FAM124B: variants seen among roughly 807,000 people sequenced by gnomAD.
FAM124B encodes the protein protein FAM124B.
Under a neutral mutation model 19.7 loss-of-function variants are expected in FAM124B, and 18 were observed. That is an observed-to-expected ratio of 0.92 (90% CI 0.63 to 1.36). The LOEUF is 1.36. FAM124B is among the 40% of genes most tolerant of loss of function. FAM124B has a pLI of 0.00. For missense variants in FAM124B, 540 were observed against 553.3 expected (o/e 0.98, Z 0.24); for synonymous variants, 223 against 225.2 (o/e 0.99, Z 0.09).
In FAM124B at chr2:224,393,083, T is replaced by C. The variant is rs564023453; in HGVS notation, c.732+7954A>G. On this transcript the variant is annotated intron_variant, in intron 1 of 1. Transcript: ENST00000409685. ...AGGACAGTGCATTCGTCTAGAGAAA[T>C]GGGTCTCAGTTGAGAAATGGGTCTA... Among the ~76,000 whole-genome samples the C allele has an allele frequency of 7.2e-5, 11 of 152,320 alleles. No individual in the cohort carries two copies. In the East Asian group the frequency reaches 2.1e-3, roughly 29 times the overall value.
At chr2:224,395,879 G>T (rs741534) in intron 1 of FAM124B, among the ~76,000 whole-genome samples, 31,322 of 152,022 alleles carry the variant, frequency 0.21, 3,353 homozygotes, top group South Asian at 0.25. Context: ...CAATTGCACC[G>T]CAGTTACATG....
Position 224,379,918 on chromosome 2 carries a change from G to A in FAM124B, c.1023C>T (p.Ser341=), listed in dbSNP as rs116749395. Residue 341 remains serine (S), a synonymous_variant, in exon 2 of 2, where the codon TCC becomes TCT. Coordinates refer to ENST00000409685, the MANE Select transcript of FAM124B (RefSeq NM_001122779.2). ...HLHLSSHHLE[S]GARMKVLNRE... is the part of the protein sequence containing the mutation. ...GGTTGAGGACCTTCATTCTGGCCCC[G>A]GATTCAAGGTGATGAGAAGACAGGT... is the stretch of plus-strand genomic sequence containing the variant. 2,922 of 1,551,866 alleles carry A rather than the reference G, an allele frequency of 1.9e-3. 29 individuals carry two copies. The African/African-American group carries it at 0.033, about 17-fold the overall frequency.
chr2:224,380,297 T>C (rs2106074883), intron 1 of FAM124B, 89 bp from the exon 2 acceptor site: 1 of 1,186,110 alleles, frequency 8.4e-7, no homozygotes, highest in Non-Finnish European at 1.2e-6. Context: ...CCCTCTGCCA[T>C]GCCATGCCCA....
chr2:224,380,302 T>C lies in FAM124B; in HGVS notation c.733-94A>G, dbSNP rs138759436. On this transcript the variant is annotated intron_variant, in intron 1 of 1. Transcript: ENST00000409685. ...GCCTTATTCACCCTCTGCCATGCCA[T>C]GCCCATAGCAGACTTTCAGTAAATT... The C allele has an allele frequency of 2.2e-3, 2,505 of 1,115,154 alleles. 43 individuals are homozygous for C. In the African/African-American group the frequency reaches 0.034, roughly 15 times the overall value. 69.1% of individuals were successfully genotyped at this position (1,115,154 alleles called of 1,614,324 possible).
intron 1 of FAM124B, among the ~76,000 whole-genome samples, chr2:224,394,113 T>C (rs2106085802): frequency 6.6e-6 from 1 of 152,268 alleles, no homozygotes; most frequent in African/African-American, 2.4e-5. Context: ...CCTCCTGGCT[T>C]TGTGGTTGCT....
chr2:224,389,452 C>CA (rs1327144840), intron 1 of FAM124B, among the ~76,000 whole-genome samples: 7 of 152,134 alleles, frequency 4.6e-5, no homozygotes, highest in African/African-American at 7.2e-5. Flanking sequence ...GCGTTTGAAG[C>CA]AATGTGGGCT....
chr2:224,393,886 C>T (rs916890622), intron 1 of FAM124B, among the ~76,000 whole-genome samples: 2 of 152,092 alleles, frequency 1.3e-5, no homozygotes, highest in Non-Finnish European at 2.9e-5. Flanking sequence ...TCCATAAGCC[C>T]GGAGTGGTGG....
intron 1 of FAM124B, 47 bp from the exon 2 acceptor site, chr2:224,380,255 C>G (rs1689694757): frequency 2.7e-6 from 4 of 1,474,078 alleles, no homozygotes; most frequent in Middle Eastern, 1.8e-4. Flanking sequence ...TTTCCATTAA[C>G]TAAGTGCCAA....
chr2:224,401,501 G>A lies in FAM124B; in HGVS notation c.268C>T (p.Gln90Ter). The A allele has an allele frequency of 1.2e-6, 2 of 1,614,124 alleles. No homozygotes were observed. The highest frequency in any genetic ancestry group is 1.7e-6 in the Non-Finnish European group (2 of 1,180,028). Residue 90 changes from glutamine (Q) to a stop codon, truncating the protein, a stop_gained, in exon 1 of 2, where the codon CAG becomes TAG. Transcript: ENST00000409685. LOFTEE classifies it high-confidence loss of function. ...GGGTAGCACTGCCATGGCGAATGCT[G>A]GAGAGAGTCCAGGACGCGAAATAGC... ...DRLFRVLDSL[Q>*]HSPWQCYPTQ...
chr2:224,387,410 G>A (rs2106080547), intron 1 of FAM124B, among the ~76,000 whole-genome samples: 1 of 152,298 alleles, frequency 6.6e-6, no homozygotes, highest in South Asian at 2.1e-4. Flanking sequence ...CTCTCTGTAA[G>A]TGATTCCAAG....
At chr2:224,396,205 C>T (rs1689967200) in intron 1 of FAM124B, among the ~76,000 whole-genome samples, 1 of 152,160 alleles carries the variant, frequency 6.6e-6, no homozygotes, top group Admixed American at 6.5e-5. Flanking sequence ...CCATCCTCTT[C>T]CCCTGACTCC....
chr2:224,382,905 A>G (rs1484612019), intron 1 of FAM124B, among the ~76,000 whole-genome samples: 1 of 152,094 alleles, frequency 6.6e-6, no homozygotes, highest in African/African-American at 2.4e-5. Flanking sequence ...AAGCCAGTTC[A>G]TTAGAGCCAC....
At chr2:224,395,811 C>T (rs955943118) in intron 1 of FAM124B, among the ~76,000 whole-genome samples, 2 of 152,204 alleles carry the variant, frequency 1.3e-5, no homozygotes, top group Non-Finnish European at 1.5e-5. Context: ...GTGGAAAACG[C>T]ATTGCTCACT....
chr2:224,394,260 A>G (rs1354118456), intron 1 of FAM124B, among the ~76,000 whole-genome samples: 1 of 151,958 alleles, frequency 6.6e-6, no homozygotes, highest in Admixed American at 6.6e-5. Flanking sequence ...TTCAGCCACC[A>G]ACTCCACCTA....
At chr2:224,384,303 C>T (rs1365686695) in intron 1 of FAM124B, among the ~76,000 whole-genome samples, 1 of 152,178 alleles carries the variant, frequency 6.6e-6, no homozygotes, top group Non-Finnish European at 1.5e-5. Flanking sequence ...ACTCCCAATC[C>T]CCAGCTTCTC....
intron 1 of FAM124B, among the ~76,000 whole-genome samples, chr2:224,394,579 G>T (rs1689939304): frequency 2.0e-5 from 3 of 152,108 alleles, no homozygotes; most frequent in Non-Finnish European, 1.5e-5. Context: ...ATGCTAACAG[G>T]ATTATGGTCC....
chr2:224,393,693 G>A lies in FAM124B; in HGVS notation c.732+7344C>T, dbSNP rs1559310593. Among the ~76,000 whole-genome samples, 3 of 152,156 alleles carry A rather than the reference G, an allele frequency of 2.0e-5. No homozygotes were observed. In the South Asian group the frequency reaches 6.2e-4, roughly 31 times the overall value. The stretch of plus-strand genomic sequence containing the variant: ...GGTAAAGAAGACTTGGAGGAGACCT[G>A]GGAGGGACCTCAAGGCCATAGCTTG... On this transcript the variant is annotated intron_variant, in intron 1 of 1. Coordinates refer to ENST00000409685, the MANE Select transcript of FAM124B (RefSeq NM_001122779.2).
intron 1 of FAM124B, among the ~76,000 whole-genome samples, chr2:224,395,434 G>C: frequency 6.6e-6 from 1 of 152,048 alleles, no homozygotes; most frequent in East Asian, 1.9e-4. Context: ...AAAAAGAGGC[G>C]GACATCATCA....
Position 224,390,708 on chromosome 2 carries a change from G to GT in FAM124B, c.732+10328dup, listed in dbSNP as rs1423578087. On this transcript the variant is annotated intron_variant, in intron 1 of 1. Coordinates refer to ENST00000409685, the MANE Select transcript of FAM124B (RefSeq NM_001122779.2). ...TGTCAACAAACTTTTTTTTTTGTTT[G>GT]TTTGTTTTTTAAGACAGAGTCTCTC... is the stretch of plus-strand genomic sequence containing the variant. Among the ~76,000 whole-genome samples the GT allele has an allele frequency of 2.6e-3, 247 of 96,648 alleles. 2 individuals carry two copies. The Middle Eastern group carries it at 0.033, about 13-fold the overall frequency. 63.4% of individuals were successfully genotyped at this position (96,648 alleles called of 152,430 possible).
Sources: allele counts gnomAD v4.1 joint callset (sites outside exome capture counted in the v4.1 genomes callset), GRCh38; gene constraint gnomAD v4.1.1; transcripts MANE v1.5; gene names NCBI Gene and HGNC (gene_info 2026-07-23, HGNC 2026-07-21).